CEP164: variants seen among roughly 807,000 people sequenced by gnomAD.
CEP164 encodes the protein centrosomal protein of 164 kDa.
A neutral mutation model predicts 182.7 loss-of-function variants in CEP164; 162 were observed. That is an observed-to-expected ratio of 0.89 (90% CI 0.78 to 1.01). The LOEUF (loss-of-function observed/expected upper bound fraction) is 1.01. Ranked by LOEUF, CEP164 falls within the 50% of genes least tolerant of loss-of-function variation. The probability of loss-of-function intolerance (pLI) is 0.00; values close to 1 mark genes in which losing one functional copy is unlikely to be tolerated. For synonymous variants in CEP164, 661 were observed against 690.0 expected (o/e 0.96, Z 0.66); for missense variants, 1,735 against 1,790.4 (o/e 0.97, Z 0.56).
intron 3 of CEP164, among the ~76,000 whole-genome samples, chr11:117,340,243 G>T (rs1265562774): frequency 2.0e-5 from 3 of 152,212 alleles, no homozygotes; most frequent in Non-Finnish European, 2.9e-5. Flanking sequence ...GGCGAGGCTG[G>T]TCTCAAACTG....
At chr11:117,374,015 G>A (rs2042486536) in intron 10 of CEP164, among the ~76,000 whole-genome samples, 184 bp downstream of exon 10, 1 of 152,110 alleles carries the variant, frequency 6.6e-6, no homozygotes, top group Admixed American at 6.5e-5. Flanking sequence ...TATTTTATAG[G>A]TTTGTTGTGA....
At position 117,409,582 on chromosome 11, in the gene CEP164, T is replaced by G; in HGVS notation, c.3749-36T>G. 1.3e-6 allele frequency: 2 copies of G among 1,562,752 alleles called. No individual in the cohort carries two copies. Among genetic ancestry groups the G allele is most frequent in the Middle Eastern group, 2.0e-4 (1 of 5,128 alleles). ...TGGGAATGGTCCAGGGTCCTGAGCTTGAGTCCCTTCCCACCATCCACCTCT... is the reference window on the plus strand; with the variant it reads ...TGGGAATGGTCCAGGGTCCTGAGCTGGAGTCCCTTCCCACCATCCACCTCT... On this transcript the variant is annotated intron_variant, in intron 29 of 32. Coordinates refer to ENST00000278935, the MANE Select transcript of CEP164 (RefSeq NM_014956.5). This position sits in a 1 kb window ranked among gnomAD's most constrained non-coding sequence, Gnocchi z 4.4.
At chr11:117,375,557 A>G (rs2042654606) in intron 10 of CEP164, 151 bp from the exon 11 acceptor site, 1 of 652,524 alleles carries the variant, frequency 1.5e-6, no homozygotes, top group Non-Finnish European at 2.8e-6. Flanking sequence ...GTCATTTTGA[A>G]GATGAAATTA....
At position 117,389,886 on chromosome 11, in the gene CEP164, G is replaced by C. The variant is rs551521730; in HGVS notation, c.1935-891G>C. Among the ~76,000 whole-genome samples, 3 of 152,100 alleles carry C rather than the reference G, an allele frequency of 2.0e-5. No individual in the cohort carries two copies. The East Asian group carries it at 5.8e-4, about 29-fold the overall frequency. On this transcript the variant is annotated intron_variant, in intron 15 of 32. Coordinates refer to ENST00000278935, the MANE Select transcript of CEP164 (RefSeq NM_014956.5). ...GCTGAGGTGAAGCTGTTGACAGAGG[G>C]GAGCCTTTGGAAGAAGTGCTGTACT... is the stretch of plus-strand genomic sequence containing the variant.
chr11:117,405,761 A>T (rs946038338), intron 27 of CEP164, among the ~76,000 whole-genome samples: 42 of 152,184 alleles, frequency 2.8e-4, no homozygotes, highest in African/African-American at 9.7e-4. Context: ...TCTGCCAGAG[A>T]CACTAAATCA....
Position 117,371,234 on chromosome 11 carries a change from G to C in CEP164, c.920G>C (p.Arg307Thr). The change falls in exon 9 of 33, where the codon AGA (arginine) becomes ACA (threonine). Residue 307 changes from arginine (R) to threonine (T), a missense_variant. Coordinates refer to ENST00000278935, the MANE Select transcript of CEP164 (RefSeq NM_014956.5). ...AAAGGGCGACAGGGAAGTGGAGCAAGACCTGGTCTTCCAGAAAAAGAGGAA... is the reference window on the plus strand; with the variant it reads ...AAAGGGCGACAGGGAAGTGGAGCAACACCTGGTCTTCCAGAAAAAGAGGAA... ...VGKGRQGSGARPGLPEKEENE... is the reference protein window; with the variant it reads ...VGKGRQGSGATPGLPEKEENE... 3 of 1,614,226 alleles carry C rather than the reference G, an allele frequency of 1.9e-6. No homozygotes were observed. Among genetic ancestry groups the C allele is most frequent in the Non-Finnish European group, 2.5e-6 (3 of 1,180,050 alleles).
chr11:117,338,592 T>C lies in CEP164; in HGVS notation c.6T>C (p.Ala2=). The change falls in exon 3 of 33, where the codon GCT becomes GCC. Residue 2 remains alanine, a synonymous_variant. Transcript: ENST00000278935. ...TGTTTGAGCCCAGATGAGTCATGGC[T>C]GGACGACCCCTCCGCATAGGAGATC... M[A]GRPLRIGDQL... 6.2e-7 allele frequency: 1 copy of C among 1,614,092 alleles called. No homozygotes were observed. Among genetic ancestry groups the C allele is most frequent in the Non-Finnish European group, 8.5e-7 (1 of 1,179,918 alleles).
intron 11 of CEP164, among the ~76,000 whole-genome samples, chr11:117,379,711 C>T (rs2043111304): frequency 6.6e-6 from 1 of 152,062 alleles, no homozygotes; most frequent in Non-Finnish European, 1.5e-5. Context: ...ACTTCCTAGG[C>T]AGGAAGAGCT....
upstream of CEP164, among the ~76,000 whole-genome samples, chr11:117,327,155 T>C (rs1014362000): frequency 1.3e-5 from 2 of 152,214 alleles, no homozygotes; most frequent in Admixed American, 6.5e-5. Context: ...AAAAGATGGA[T>C]AGTAGAAAAT....
At chr11:117,407,455 TACAAAAAAAAAAA>T (rs2046821413) in intron 27 of CEP164, among the ~76,000 whole-genome samples, 1 of 14,252 alleles carries the variant, frequency 7.0e-5, no homozygotes, top group Admixed American at 1.1e-3. Flanking sequence ...ACTCTGTCTC[TACAAAAAAAAAAA>T]AAAAAAAAAA....
chr11:117,345,836 C>T (rs962142204), intron 4 of CEP164, among the ~76,000 whole-genome samples: 32 of 152,048 alleles, frequency 2.1e-4, no homozygotes, highest in African/African-American at 7.0e-4. Context: ...TACAGGCATG[C>T]ACCACCACAC....
chr11:117,350,121 C>G (rs184604058), intron 4 of CEP164, among the ~76,000 whole-genome samples: 1 of 152,078 alleles, frequency 6.6e-6, no homozygotes, highest in Non-Finnish European at 1.5e-5. Context: ...GTTGATCAGG[C>G]TGGTCTTGAA....
At chr11:117,406,294 G>T (rs2046666151) in intron 27 of CEP164, among the ~76,000 whole-genome samples, 1 of 152,180 alleles carries the variant, frequency 6.6e-6, no homozygotes, top group Admixed American at 6.5e-5. Flanking sequence ...AGAAGCAAAA[G>T]CAGAAACCCC....
chr11:117,346,509 G>A (rs1166950832), intron 4 of CEP164, among the ~76,000 whole-genome samples: 1 of 151,526 alleles, frequency 6.6e-6, no homozygotes, highest in Non-Finnish European at 1.5e-5. Flanking sequence ...TGCCCGCCTT[G>A]TCCTCCCAAA....
At position 117,381,776 on chromosome 11, in the gene CEP164, C is replaced by T. The variant is rs1474611510; in HGVS notation, c.1485C>T (p.Pro495=). 1 of 1,597,474 alleles carries T rather than the reference C, an allele frequency of 6.3e-7. No individual in the cohort carries two copies. Among genetic ancestry groups the T allele is most frequent in the Middle Eastern group, 1.7e-4 (1 of 5,960 alleles). The change falls in exon 13 of 33, where the codon CCC becomes CCT. Residue 495 remains proline (P), a synonymous_variant. Coordinates refer to ENST00000278935, the MANE Select transcript of CEP164 (RefSeq NM_014956.5). ...PRSLATEEEP[P]QGPEGQPEWK... Reference sequence around the variant, plus strand: ...GCCTGGCCACTGAAGAAGAGCCTCCCCAGGGCCCCGAGGGGCAGCCCGAGT... The same window carrying T: ...GCCTGGCCACTGAAGAAGAGCCTCCTCAGGGCCCCGAGGGGCAGCCCGAGT...
At chr11:117,362,623 A>G in intron 7 of CEP164, 85 bp downstream of exon 7, 1 of 1,471,446 alleles carries the variant, frequency 6.8e-7, no homozygotes, top group Non-Finnish European at 9.2e-7. Context: ...TGATAGAAAA[A>G]ATATGTAACA....
intron 26 of CEP164, 31 bp from the exon 27 acceptor site, chr11:117,397,060 C>G (rs769893640): frequency 1.9e-6 from 3 of 1,595,512 alleles, no homozygotes; most frequent in Non-Finnish European, 2.6e-6. Flanking sequence ...TTAGAGGCTT[C>G]TGTTTTCCTT....
At chr11:117,383,328 G>A (rs2043554388) in intron 14 of CEP164, among the ~76,000 whole-genome samples, 1 of 152,214 alleles carries the variant, frequency 6.6e-6, no homozygotes, top group Non-Finnish European at 1.5e-5. Context: ...GTACAGTTCA[G>A]TGAAAGTTTG....
rs1171222338 is a variant in CEP164, at chr11:117,409,788, A to G, written c.3919A>G (p.Lys1307Glu). 1.2e-6 allele frequency: 2 copies of G among 1,609,410 alleles called. No homozygotes were observed. The highest frequency in any genetic ancestry group is 1.7e-6 in the Non-Finnish European group (2 of 1,177,424). The change falls in exon 30 of 33, where the codon AAG becomes GAG. Residue 1307 changes from lysine to glutamate, a missense_variant. Physicochemically the swap from Lys to Glu is moderately conservative, Grantham distance 56. Transcript: ENST00000278935. The surrounding 1 kb of genome is among the most constrained non-coding windows in gnomAD (Gnocchi z 4.4). ...AGCCCAGCTCCCTCCCCGGGACCCT[A>G]AGAGCACCCCCACCCCCACCTACTA... Reference protein sequence around the residue: ...MPAQLPPRDPKSTPTPTYYGS... With the variant: ...MPAQLPPRDPESTPTPTYYGS...
Sources: gnomAD v4.1 joint callset for allele counts (sites outside exome capture counted in the v4.1 genomes callset) on GRCh38, gnomAD v4.1.1 for gene constraint, Gnocchi (gnomAD v3.1) non-coding constraint, MANE v1.5 for transcripts, NCBI Gene and HGNC (gene_info 2026-07-23, HGNC 2026-07-21) for gene names.